ADK: variants seen among roughly 807,000 people sequenced by gnomAD.
ADK encodes N6,N6-dimethyladenosine kinase.
In ADK, 24 loss-of-function variants were observed where a neutral mutation model predicts 44.7. That is an observed-to-expected ratio of 0.54 (90% CI 0.39 to 0.76). The LOEUF (loss-of-function observed/expected upper bound fraction) is 0.76, where lower values mean the gene tolerates loss of function less well. Ranked by LOEUF, ADK falls within the 30% of genes least tolerant of loss-of-function variation. The pLI, the probability that ADK is intolerant of heterozygous loss-of-function variation, is 0.00. For synonymous variants in ADK, 128 were observed against 142.6 expected (o/e 0.90, Z 0.73); for missense variants, 321 against 425.1 (o/e 0.76, Z 2.15).
intron 1 of ADK, among the ~76,000 whole-genome samples, chr10:74,154,687 A>G (rs1477587671): frequency 3.3e-5 from 5 of 152,132 alleles, no homozygotes; most frequent in Admixed American, 1.3e-4. Context: ...GCATTTTTCC[A>G]TATTTCCTGC....
At chr10:74,207,804 C>T (rs1843656673) in intron 2 of ADK, among the ~76,000 whole-genome samples, 1 of 152,152 alleles carries the variant, frequency 6.6e-6, no homozygotes, top group Non-Finnish European at 1.5e-5. Context: ...TTCAGGCTGT[C>T]CCTGGCTTGA....
chr10:74,235,583 C>T (rs1028898574), intron 3 of ADK, among the ~76,000 whole-genome samples: 3 of 152,080 alleles, frequency 2.0e-5, no homozygotes, highest in Non-Finnish European at 2.9e-5. Flanking sequence ...GGATTACGGG[C>T]GTGAGCCACT....
chr10:74,352,133 A>G (rs960471320), intron 4 of ADK, among the ~76,000 whole-genome samples: 4 of 152,166 alleles, frequency 2.6e-5, no homozygotes, highest in Non-Finnish European at 5.9e-5. Context: ...TCCTAAGCAA[A>G]AATAACAAAG....
At chr10:74,175,633 TAAC>T (rs1842304474) in intron 1 of ADK, among the ~76,000 whole-genome samples, 1 of 152,062 alleles carries the variant, frequency 6.6e-6, no homozygotes, top group Non-Finnish European at 1.5e-5. Context: ...AGTCTATTAA[TAAC>T]ATTGTAGAAC....
At chr10:74,403,542 C>T (rs929938428) in intron 6 of ADK, among the ~76,000 whole-genome samples, 9 of 152,112 alleles carry the variant, frequency 5.9e-5, no homozygotes, top group South Asian at 2.1e-4. Flanking sequence ...TGGGACCCTC[C>T]GAGCCATGCG....
At chr10:74,182,348 T>A (rs184478328) in intron 1 of ADK, among the ~76,000 whole-genome samples, 1 of 145,650 alleles carries the variant, frequency 6.9e-6, no homozygotes, top group African/African-American at 2.5e-5. Context: ...ACAGAAATCT[T>A]TTTATTTATT....
At chr10:74,700,114 A>G (rs965621972) in intron 10 of ADK, among the ~76,000 whole-genome samples, 6 of 152,216 alleles carry the variant, frequency 3.9e-5, no homozygotes, top group Non-Finnish European at 7.3e-5. Flanking sequence ...TTTCCAAAAC[A>G]TTGGAAACTA....
intron 9 of ADK, among the ~76,000 whole-genome samples, chr10:74,666,137 T>C (rs1854950604): frequency 6.6e-6 from 1 of 152,230 alleles, no homozygotes; most frequent in South Asian, 2.1e-4. Flanking sequence ...TCTAATATAA[T>C]TGACTTTCAT....
intron 6 of ADK, among the ~76,000 whole-genome samples, chr10:74,428,651 C>T (rs1437409033): frequency 6.6e-6 from 1 of 152,194 alleles, no homozygotes; most frequent in East Asian, 1.9e-4. Flanking sequence ...AAGGAAACCT[C>T]ATTTTGCAGT....
intron 8 of ADK, among the ~76,000 whole-genome samples, chr10:74,595,512 G>A (rs935101924): frequency 8.6e-4 from 128 of 148,858 alleles, no homozygotes; most frequent in Middle Eastern, 3.4e-3. Context: ...GAGTAGCTGG[G>A]ACTACAGGCC....
intron 10 of ADK, among the ~76,000 whole-genome samples, chr10:74,697,500 A>G (rs1409920168): frequency 1.3e-5 from 2 of 152,196 alleles, no homozygotes; most frequent in African/African-American, 4.8e-5. Flanking sequence ...TTATTCCTCC[A>G]AGTTTAAAAA....
chr10:74,565,440 A>G (rs1225635536), intron 7 of ADK, among the ~76,000 whole-genome samples: 1 of 152,226 alleles, frequency 6.6e-6, no homozygotes, highest in East Asian at 1.9e-4. Flanking sequence ...AAAAAACCAT[A>G]AACCTAGCTG....
chr10:74,172,410 G>A (rs1842188518), intron 1 of ADK, among the ~76,000 whole-genome samples: 1 of 152,096 alleles, frequency 6.6e-6, no homozygotes, highest in African/African-American at 2.4e-5. Context: ...CAGCTGATTG[G>A]CTGGGCGCGG....
intron 7 of ADK, among the ~76,000 whole-genome samples, chr10:74,553,831 G>A (rs1214467188): frequency 1.3e-5 from 2 of 152,048 alleles, no homozygotes; most frequent in East Asian, 1.9e-4. Context: ...TCAGTAATAA[G>A]AATGCAAAAT....
chr10:74,315,035 A>G (rs1840568462), intron 4 of ADK, among the ~76,000 whole-genome samples: 2 of 152,082 alleles, frequency 1.3e-5, no homozygotes, highest in Non-Finnish European at 2.9e-5. Context: ...TAGAAACTTC[A>G]TATTTTATAG....
intron 4 of ADK, among the ~76,000 whole-genome samples, chr10:74,343,036 A>C (rs527639984): frequency 6.6e-6 from 1 of 152,186 alleles, no homozygotes; most frequent in Non-Finnish European, 1.5e-5. Flanking sequence ...AGTGGCAAGA[A>C]GAGATGTCCC....
At chr10:74,502,818 G>T (rs1429282243) in intron 6 of ADK, among the ~76,000 whole-genome samples, 1 of 152,072 alleles carries the variant, frequency 6.6e-6, no homozygotes, top group Non-Finnish European at 1.5e-5. Flanking sequence ...AAATGTAAAG[G>T]ACTTGTATTG....
chr10:74,322,558 A>G (rs1840851023), intron 4 of ADK, among the ~76,000 whole-genome samples: 1 of 152,090 alleles, frequency 6.6e-6, no homozygotes, highest in East Asian at 1.9e-4. Flanking sequence ...TAGGTTGTTA[A>G]GTTTTCATAG....
At chr10:74,539,270 T>TCC (rs1849551055) in intron 7 of ADK, among the ~76,000 whole-genome samples, 1 of 152,132 alleles carries the variant, frequency 6.6e-6, no homozygotes, top group South Asian at 2.1e-4. Flanking sequence ...CAAGCAGTCT[T>TCC]CCCGCCTTGG....
Sources: allele counts gnomAD v4.1 joint callset (sites outside exome capture counted in the v4.1 genomes callset), GRCh38; gene constraint gnomAD v4.1.1; transcripts MANE v1.5; gene names NCBI Gene and HGNC (gene_info 2026-07-23, HGNC 2026-07-21).